WASF2: variants seen among roughly 807,000 people sequenced by gnomAD.
WASF2 encodes the protein actin-binding protein WASF2.
In WASF2, 14 loss-of-function variants were observed where a neutral mutation model predicts 45.0. The observed-to-expected ratio is 0.31, with a 90% CI of 0.21 to 0.49. The LOEUF (loss-of-function observed/expected upper bound fraction) is 0.49. Among genes scored for constraint, WASF2 ranks in the 20% least tolerant of loss-of-function variants. The pLI, the probability that WASF2 is intolerant of heterozygous loss-of-function variation, is 0.99. For synonymous variants in WASF2, 200 were observed against 236.3 expected, an observed-to-expected ratio of 0.85 and a Z score of 1.41; for missense variants, 439 against 636.1, an observed-to-expected ratio of 0.69 and a Z score of 3.33.
intron 1 of WASF2, among the ~76,000 whole-genome samples, chr1:27,483,419 C>T (rs529478959): frequency 3.3e-5 from 5 of 151,908 alleles, no homozygotes; most frequent in African/African-American, 1.2e-4. Context: ...TGCAGTGAGC[C>T]GAGACCATGC....
At chr1:27,434,946 C>T (rs1571135526) in intron 1 of WASF2, among the ~76,000 whole-genome samples, 1 of 152,044 alleles carries the variant, frequency 6.6e-6, no homozygotes, top group Non-Finnish European at 1.5e-5. Flanking sequence ...TTGAAGTTAT[C>T]ATGCAATTTT....
chr1:27,463,503 G>C (rs2017574824), intron 1 of WASF2, among the ~76,000 whole-genome samples: 1 of 151,126 alleles, frequency 6.6e-6, no homozygotes, highest in African/African-American at 2.4e-5. Flanking sequence ...GGTGCCTGTA[G>C]TCCCAGCTAC....
chr1:27,437,104 T>C (rs2017148239), intron 1 of WASF2, among the ~76,000 whole-genome samples: 1 of 152,204 alleles, frequency 6.6e-6, no homozygotes, highest in African/African-American at 2.4e-5. Context: ...TTATTATCTT[T>C]TGGGGGCAAT....
chr1:27,414,023 C>G lies in WASF2; in HGVS notation c.668+810G>C, dbSNP rs897714747. Among the ~76,000 whole-genome samples, 1 of 152,164 alleles carries G rather than the reference C, an allele frequency of 6.6e-6. No individual in the cohort carries two copies. The highest frequency in any genetic ancestry group is 2.4e-5 in the African/African-American group (1 of 41,418). On this transcript the variant is annotated intron_variant, in intron 6 of 8. Transcript: ENST00000618852. This position sits in a 1 kb window ranked among gnomAD's most constrained non-coding sequence, Gnocchi z 4.1. ...GAGTTATTTCTAAAAGCAAGAACAACTCAACTCTTTCCTTTTATCATTCCT... is the reference window on the plus strand; with the variant it reads ...GAGTTATTTCTAAAAGCAAGAACAAGTCAACTCTTTCCTTTTATCATTCCT...
chr1:27,443,269 G>C (rs1182292532), intron 1 of WASF2, among the ~76,000 whole-genome samples: 1 of 130,334 alleles, frequency 7.7e-6, no homozygotes, highest in African/African-American at 2.9e-5. Context: ...CCAGGAGTAA[G>C]AGGCCCACCC....
At chr1:27,453,279 G>C (rs953841636) in intron 1 of WASF2, among the ~76,000 whole-genome samples, 11 of 151,746 alleles carry the variant, frequency 7.2e-5, no homozygotes, top group Non-Finnish European at 1.3e-4. Flanking sequence ...GCAAATGTCA[G>C]TGTATCTATC....
chr1:27,473,091 G>A (rs1363607397), intron 1 of WASF2, among the ~76,000 whole-genome samples: 1 of 151,720 alleles, frequency 6.6e-6, no homozygotes, highest in Non-Finnish European at 1.5e-5. Flanking sequence ...TAATTTATCT[G>A]ATAACCTGTA....
chr1:27,474,324 G>A (rs539649122), intron 1 of WASF2, among the ~76,000 whole-genome samples: 3 of 151,590 alleles, frequency 2.0e-5, no homozygotes, highest in Non-Finnish European at 4.4e-5. Context: ...ACTTCTTCCA[G>A]ACTTCCCATT....
At chr1:27,428,974 T>TTCCAGGCAC in intron 1 of WASF2, 41 bp from the exon 2 acceptor site, 1 of 1,535,970 alleles carries the variant, frequency 6.5e-7, no homozygotes, top group Admixed American at 1.8e-5. Context: ...CAACCACAAA[T>TTCCAGGCAC]TCCAGGCACA....
At chr1:27,462,666 GGTA>G (rs2017562262) in intron 1 of WASF2, among the ~76,000 whole-genome samples, 1 of 151,848 alleles carries the variant, frequency 6.6e-6, no homozygotes, top group African/African-American at 2.4e-5. Flanking sequence ...AAGAATCTTG[GGTA>G]GATTTCTTAA....
Position 27,414,644 on chromosome 1 carries a change from T to A in WASF2, c.668+189A>T, listed in dbSNP as rs542196639. 6.6e-6 allele frequency among the ~76,000 whole-genome samples: 1 copy of A among 152,272 alleles called. No homozygotes were observed. Among genetic ancestry groups the A allele is most frequent in the African/African-American group, 2.4e-5 (1 of 41,552 alleles). On this transcript the variant is annotated intron_variant, in intron 6 of 8. Transcript: ENST00000618852. This position sits in a 1 kb window ranked among gnomAD's most constrained non-coding sequence, Gnocchi z 4.1. ...CAATCACCTCATTTAAATTGCTGAATCTCTTGATTTATTTAGCAAATTTTC... is the reference window on the plus strand; with the variant it reads ...CAATCACCTCATTTAAATTGCTGAAACTCTTGATTTATTTAGCAAATTTTC...
Position 27,428,789 on chromosome 1 carries a change from T to C in WASF2, c.102A>G (p.Ala34=), listed in dbSNP as rs368091590. The change falls in exon 2 of 9, where the codon GCA becomes GCG. Residue 34 remains alanine (A), a synonymous_variant. Coordinates refer to ENST00000618852, the MANE Select transcript of WASF2 (RefSeq NM_006990.5). ...ELECVTNITL[A]NVIRQLGSLS... ...GGCTGCCCAGCTGTCGGATGACATTTGCCAGGGTGATGTTGGTCACGCATT... is the reference window on the plus strand; with the variant it reads ...GGCTGCCCAGCTGTCGGATGACATTCGCCAGGGTGATGTTGGTCACGCATT... The C allele has an allele frequency of 3.3e-5, 53 of 1,614,188 alleles. No individual in the cohort carries two copies. The East Asian group carries it at 1.2e-3, about 36-fold the overall frequency.
rs1301357390 is a variant in WASF2, at chr1:27,406,054, T to A, written c.*2135A>T. Reference sequence around the variant, plus strand: ...GGCAAGGAGGATGGGGGTAATTTAGTCAAAGCCATTAGGCCCAAACCCTGG... The same window carrying A: ...GGCAAGGAGGATGGGGGTAATTTAGACAAAGCCATTAGGCCCAAACCCTGG... On this transcript the variant is annotated 3_prime_UTR_variant, in exon 9 of 9. Transcript: ENST00000618852. 3.3e-5 allele frequency: 5 copies of A among 152,576 alleles called. No individual in the cohort carries two copies. The highest frequency in any genetic ancestry group is 1.2e-4 in the African/African-American group (5 of 41,400). The allele number at this position is 152,576 out of a possible 1,614,324, so 9.5% of individuals were successfully genotyped here.
Position 27,432,647 on chromosome 1 carries a change from C to CA in WASF2, c.-43-3715dup, listed in dbSNP as rs558826790. Among the ~76,000 whole-genome samples, 436 of 51,344 alleles carry CA rather than the reference C, an allele frequency of 8.5e-3. 83 individuals are homozygous for CA. Among genetic ancestry groups the CA allele is most frequent in the African/African-American group, 0.031 (349 of 11,268 alleles). The allele number at this position is 51,344 out of a possible 152,430, so 33.7% of individuals were successfully genotyped here. On this transcript the variant is annotated intron_variant, in intron 1 of 8. Coordinates refer to ENST00000618852, the MANE Select transcript of WASF2 (RefSeq NM_006990.5). ...TGGGCGACAGAGCGAAACTCTGTCT[C>CA]AAAAAAAAAAAAAAAAAAAAAAAAG...
intron 8 of WASF2, among the ~76,000 whole-genome samples, chr1:27,409,300 C>T (rs2016725321): frequency 6.6e-6 from 1 of 151,464 alleles, no homozygotes; most frequent in Admixed American, 6.6e-5. Context: ...TGGCAGGCGC[C>T]TGTAGTACCA....
intron 1 of WASF2, among the ~76,000 whole-genome samples, chr1:27,450,228 A>G (rs1292918461): frequency 6.6e-6 from 1 of 152,162 alleles, no homozygotes; most frequent in Non-Finnish European, 1.5e-5. Flanking sequence ...TGTACCTCAA[A>G]GCTCTTACTC....
chr1:27,474,631 A>C (rs1048399923), intron 1 of WASF2, among the ~76,000 whole-genome samples: 40 of 152,072 alleles, frequency 2.6e-4, no homozygotes, highest in African/African-American at 8.4e-4. Flanking sequence ...TTAGCTGCGC[A>C]TGGTGGCATG....
intron 1 of WASF2, 135 bp from the exon 2 acceptor site, chr1:27,429,068 T>A: frequency 2.5e-6 from 2 of 788,150 alleles, no homozygotes; most frequent in Non-Finnish European, 3.9e-6. Flanking sequence ...TCATTCTCCC[T>A]ATCTTTTTTT....
chr1:27,451,929 A>G (rs2017388743), intron 1 of WASF2, among the ~76,000 whole-genome samples: 1 of 152,230 alleles, frequency 6.6e-6, no homozygotes, highest in African/African-American at 2.4e-5. Flanking sequence ...GACATTAAGA[A>G]CAGTAATAGA....
Sources: allele counts gnomAD v4.1 joint callset (sites outside exome capture counted in the v4.1 genomes callset), GRCh38; gene constraint gnomAD v4.1.1; non-coding constraint Gnocchi (gnomAD v3.1); transcripts MANE v1.5; gene names NCBI Gene and HGNC (gene_info 2026-07-23, HGNC 2026-07-21).